The following ZBTB38 variants were observed in gnomAD, a reference collection of about 807,000 sequenced individuals.
The protein encoded by ZBTB38 is zinc finger and BTB domain-containing protein 38.
ZBTB38 carries 20 observed loss-of-function variants against 76.8 expected under a neutral mutation model. The observed-to-expected ratio is 0.26, with a 90% CI of 0.18 to 0.38. The LOEUF (loss-of-function observed/expected upper bound fraction) is 0.38, where lower values mean the gene tolerates loss of function less well. Among genes scored for constraint, ZBTB38 ranks in the 10% least tolerant of loss-of-function variants. The pLI is 1.00. For missense variants in ZBTB38, 1,082 were observed against 1,482.3 expected (o/e 0.73, Z 4.43); for synonymous variants, 504 against 544.2 (o/e 0.93, Z 1.03).
intron 1 of ZBTB38, among the ~76,000 whole-genome samples, chr3:141,343,069 T>A (rs912037039): frequency 6.6e-6 from 1 of 152,176 alleles, no homozygotes. Flanking sequence ...GCAAAGTATT[T>A]CCCATCAGTT....
At chr3:141,331,115 A>G (rs988874351) in intron 1 of ZBTB38, among the ~76,000 whole-genome samples, 1 of 152,236 alleles carries the variant, frequency 6.6e-6, no homozygotes, top group Admixed American at 6.5e-5. Flanking sequence ...ATCTCTTTGA[A>G]CTTTTGCTTA....
chr3:141,389,751 A>C (rs1234649303), intron 4 of ZBTB38: 2 of 152,222 alleles, frequency 1.3e-5, no homozygotes, highest in Non-Finnish European at 2.9e-5. Context: ...GCCAGTACAA[A>C]GTAATCATTT....
chr3:141,380,026 C>CT (rs1360459215), intron 2 of ZBTB38, among the ~76,000 whole-genome samples: 2 of 152,158 alleles, frequency 1.3e-5, no homozygotes, highest in African/African-American at 4.8e-5. Context: ...TTTTAAGTAT[C>CT]TGACAGCTTA....
At chr3:141,429,437 A>G (rs1436518693) in intron 5 of ZBTB38, among the ~76,000 whole-genome samples, 1 of 152,158 alleles carries the variant, frequency 6.6e-6, no homozygotes, top group Non-Finnish European at 1.5e-5. Flanking sequence ...AGACAGCAGC[A>G]GGTTGCTTTT....
chr3:141,416,747 A>G (rs1026841731), intron 5 of ZBTB38, among the ~76,000 whole-genome samples: 1 of 152,234 alleles, frequency 6.6e-6, no homozygotes, highest in East Asian at 1.9e-4. Context: ...GACACACAGT[A>G]GAGACACTTG....
chr3:141,423,843 A>G (rs185259349), intron 5 of ZBTB38, among the ~76,000 whole-genome samples: 2 of 152,324 alleles, frequency 1.3e-5, no homozygotes, highest in African/African-American at 4.8e-5. Context: ...AACCCAAAAC[A>G]CCAAAGTATT....
Position 141,444,669 on chromosome 3 carries a change from C to T in ZBTB38, c.2281C>T (p.Pro761Ser), listed in dbSNP as rs1262780151. The T allele has an allele frequency of 1.9e-6, 3 of 1,613,858 alleles. No individual in the cohort carries two copies. The highest frequency in any genetic ancestry group is 2.5e-6 in the Non-Finnish European group (3 of 1,180,016). Residue 761 changes from proline (P) to serine (S), a missense_variant, in exon 6 of 6, where the codon CCA becomes TCA. Coordinates refer to ENST00000321464, the MANE Select transcript of ZBTB38 (RefSeq NM_001376113.1). This position sits in a 1 kb window ranked among gnomAD's most constrained non-coding sequence, Gnocchi z 5.1. The part of the protein sequence containing the change: ...QSLKDDSKPE[P>S]DKVGRFASRP... ...CCTGAAAGATGACAGTAAGCCCGAG[C>T]CAGATAAAGTGGGTAGGTTTGCAAG...
intron 5 of ZBTB38, among the ~76,000 whole-genome samples, chr3:141,418,947 G>A (rs1335881067): frequency 2.0e-5 from 3 of 152,226 alleles, no homozygotes; most frequent in African/African-American, 7.2e-5. Context: ...GCTATAGACT[G>A]ATCAGGAAAG....
intron 1 of ZBTB38, among the ~76,000 whole-genome samples, chr3:141,341,974 G>A (rs1028152564): frequency 1.2e-4 from 19 of 152,146 alleles, no homozygotes; most frequent in East Asian, 5.8e-4. Context: ...AGGGTGAAAC[G>A]TTAGAATGTC....
intron 2 of ZBTB38, 127 bp downstream of exon 2, chr3:141,370,073 A>G (rs527539888): frequency 6.6e-6 from 1 of 152,366 alleles, no homozygotes; most frequent in East Asian, 1.9e-4. Context: ...GATTACAGCT[A>G]TATTAAAAAG....
intron 1 of ZBTB38, among the ~76,000 whole-genome samples, chr3:141,369,605 T>C (rs1209259679): frequency 6.6e-6 from 1 of 152,208 alleles, no homozygotes; most frequent in African/African-American, 2.4e-5. Context: ...TCCCGGCTTC[T>C]AAGTCATCCC....
At chr3:141,350,309 T>C (rs928627221) in intron 1 of ZBTB38, among the ~76,000 whole-genome samples, 1 of 152,230 alleles carries the variant, frequency 6.6e-6, no homozygotes, top group Non-Finnish European at 1.5e-5. Context: ...GCTTACATTA[T>C]GGTGACCATG....
intron 3 of ZBTB38, among the ~76,000 whole-genome samples, chr3:141,384,039 CT>C (rs1946586541): frequency 6.6e-6 from 1 of 152,260 alleles, no homozygotes; most frequent in African/African-American, 2.4e-5. Context: ...TTGAGAATGT[CT>C]GCCTAAACAA....
At position 141,445,250 on chromosome 3, in the gene ZBTB38, C is replaced by T; in HGVS notation, c.2862C>T (p.Tyr954=). Reference sequence around the variant, plus strand: ...GGAGCCCGAGCCATAAATGTAAATACCCAGCAGAACTGGATTGCGCCGTGG... The same window carrying T: ...GGAGCCCGAGCCATAAATGTAAATATCCAGCAGAACTGGATTGCGCCGTGG... The part of the protein sequence containing the change: ...GNRSPSHKCK[Y]PAELDCAVGK... The change falls in exon 6 of 6, where the codon TAC becomes TAT. Residue 954 remains tyrosine, a synonymous_variant. Transcript: ENST00000321464. The surrounding 1 kb of genome is among the most constrained non-coding windows in gnomAD (Gnocchi z 6.5). 1 of 1,614,132 alleles carries T rather than the reference C, an allele frequency of 6.2e-7. No individual in the cohort carries two copies. The highest frequency in any genetic ancestry group is 8.5e-7 in the Non-Finnish European group (1 of 1,180,024).
At chr3:141,399,729 T>C (rs368415649) in intron 4 of ZBTB38, among the ~76,000 whole-genome samples, 26 of 152,310 alleles carry the variant, frequency 1.7e-4, no homozygotes, top group East Asian at 9.6e-4. Flanking sequence ...AAAAGATACT[T>C]TAGTCTTTTA....
chr3:141,328,144 C>A (rs1421028845), intron 1 of ZBTB38, among the ~76,000 whole-genome samples: 1 of 152,118 alleles, frequency 6.6e-6, no homozygotes, highest in Admixed American at 6.5e-5. Flanking sequence ...ACAGTGACAC[C>A]CTCTCTTCCA....
At chr3:141,333,879 A>T (rs1320379637) in intron 1 of ZBTB38, among the ~76,000 whole-genome samples, 10 of 152,120 alleles carry the variant, frequency 6.6e-5, no homozygotes, top group Non-Finnish European at 1.3e-4. Flanking sequence ...CACAGTGTGG[A>T]TCTTACAGCT....
chr3:141,327,286 G>C (rs1214953171), intron 1 of ZBTB38, among the ~76,000 whole-genome samples: 1 of 152,132 alleles, frequency 6.6e-6, no homozygotes, highest in Non-Finnish European at 1.5e-5. Context: ...GTACAGCATG[G>C]AAAGGGGGAA....
chr3:141,401,841 C>G (rs543966854), intron 4 of ZBTB38, among the ~76,000 whole-genome samples: 7 of 152,184 alleles, frequency 4.6e-5, no homozygotes, highest in African/African-American at 1.7e-4. Context: ...GGGTCTTTTG[C>G]GTGAAATAGT....
Sources: allele counts gnomAD v4.1 joint callset (sites outside exome capture counted in the v4.1 genomes callset), GRCh38; gene constraint gnomAD v4.1.1; non-coding constraint Gnocchi (gnomAD v3.1); transcripts MANE v1.5; gene names NCBI Gene and HGNC (gene_info 2026-07-23, HGNC 2026-07-21).